Variants in NECTIN3 observed in about 807,000 individuals in gnomAD.
NECTIN3 encodes nectin-3.
Under a neutral mutation model 49.4 loss-of-function variants are expected in NECTIN3, and 8 were observed. The ratio of observed to expected loss-of-function variants is 0.16; its 90% CI spans 0.10 to 0.29. NECTIN3 has a LOEUF of 0.29. NECTIN3 is among the 10% of genes least tolerant of loss of function. NECTIN3 has a pLI of 1.00. For missense variants in NECTIN3, 581 were observed against 654.6 expected (o/e 0.89, Z 1.23); for synonymous variants, 277 against 241.1 (o/e 1.15, Z -1.38).
chr3:111,166,760 C>T (rs967869394), intron 7 of NECTIN3, among the ~76,000 whole-genome samples: 1 of 152,152 alleles, frequency 6.6e-6, no homozygotes, highest in Non-Finnish European at 1.5e-5. Context: ...TGATCGAAAG[C>T]TTTGGGTCCA....
At chr3:111,182,428 A>AT (rs2035643790) in intron 7 of NECTIN3, among the ~76,000 whole-genome samples, 2 of 151,960 alleles carry the variant, frequency 1.3e-5, no homozygotes, top group Non-Finnish European at 2.9e-5. Flanking sequence ...TGGGAATGTT[A>AT]TTTTCTACTA....
At chr3:111,180,575 ATAT>A (rs1471896601) in intron 7 of NECTIN3, among the ~76,000 whole-genome samples, 4 of 152,214 alleles carry the variant, frequency 2.6e-5, no homozygotes, top group Non-Finnish European at 5.9e-5. Flanking sequence ...AGTTTTAATA[ATAT>A]TATATTAATT....
At chr3:111,133,581 G>C in intron 5 of NECTIN3, 54 bp from the exon 6 acceptor site, 1 of 1,555,246 alleles carries the variant, frequency 6.4e-7, no homozygotes, top group Admixed American at 1.9e-5. Flanking sequence ...GAATCAGCCT[G>C]CATTGACATT....
chr3:111,097,290 A>G (rs1054205390), intron 1 of NECTIN3, among the ~76,000 whole-genome samples: 2 of 152,114 alleles, frequency 1.3e-5, no homozygotes, highest in African/African-American at 2.4e-5. Context: ...TATTTATCCA[A>G]TACCTGTACC....
chr3:111,117,533 C>T (rs1339657963), intron 2 of NECTIN3, among the ~76,000 whole-genome samples: 1 of 151,908 alleles, frequency 6.6e-6, no homozygotes, highest in Non-Finnish European at 1.5e-5. Context: ...TGTTATTTTA[C>T]AGTAATGCAT....
Position 111,134,808 on chromosome 3 carries a change from A to T in NECTIN3, c.*593A>T. On this transcript the variant is annotated 3_prime_UTR_variant, in exon 6 of 6. Coordinates refer to ENST00000485303, the MANE Select transcript of NECTIN3 (RefSeq NM_015480.3). ...CCTCTGCATATTAATGAGCCTTGCC[A>T]TAATTACTGTAGAGTGGCTTTTCAA... is the stretch of plus-strand genomic sequence containing the variant. The T allele has an allele frequency of 1.0e-6, 1 of 981,426 alleles. No homozygotes were observed. Among genetic ancestry groups the T allele is most frequent in the Non-Finnish European group, 1.2e-6 (1 of 826,402 alleles). The allele number at this position is 981,426 out of a possible 1,614,324, so 60.8% of individuals were successfully genotyped here. A position where few individuals can be genotyped will look rare whatever the true frequency, so the allele number is the denominator to read the frequency against.
At chr3:111,078,681 G>T (rs537774067) in intron 1 of NECTIN3, among the ~76,000 whole-genome samples, 1 of 152,074 alleles carries the variant, frequency 6.6e-6, no homozygotes, top group Non-Finnish European at 1.5e-5. Context: ...GATTAGAAAA[G>T]GTTGGTAGAC....
At chr3:111,119,020 AATATT>A in intron 3 of NECTIN3, 68 bp downstream of exon 3, 1 of 1,291,636 alleles carries the variant, frequency 7.7e-7, no homozygotes, top group Non-Finnish European at 1.1e-6. Context: ...TTTTAGTTTG[AATATT>A]TAATAGCTTT....
chr3:111,078,350 T>G (rs1049427286), intron 1 of NECTIN3, among the ~76,000 whole-genome samples: 1 of 152,160 alleles, frequency 6.6e-6, no homozygotes, highest in African/African-American at 2.4e-5. Context: ...GCAATTCTGT[T>G]TTCATTTTTT....
chr3:111,165,495 A>C (rs951531560), intron 7 of NECTIN3, among the ~76,000 whole-genome samples: 3 of 152,212 alleles, frequency 2.0e-5, no homozygotes, highest in Non-Finnish European at 4.4e-5. Flanking sequence ...TGAAAGAACC[A>C]GAATATGTAT....
intron 3 of NECTIN3, among the ~76,000 whole-genome samples, chr3:111,121,450 C>T (rs1055686425): frequency 3.3e-5 from 5 of 152,040 alleles, no homozygotes; most frequent in Non-Finnish European, 7.4e-5. Flanking sequence ...TGGATAATTG[C>T]TCATTCAACT....
At chr3:111,122,271 TA>T in intron 4 of NECTIN3, 33 bp downstream of exon 4, 1 of 1,483,728 alleles carries the variant, frequency 6.7e-7, no homozygotes, top group Non-Finnish European at 9.3e-7. Context: ...AGAAATTATC[TA>T]AAAGTGAAAC....
chr3:111,121,823 T>TA (rs1177871165), intron 3 of NECTIN3, among the ~76,000 whole-genome samples: 1 of 152,200 alleles, frequency 6.6e-6, no homozygotes, highest in Non-Finnish European at 1.5e-5. Flanking sequence ...ATAGGATTCT[T>TA]ACATTTTGCT....
At chr3:111,139,839 T>G (rs77865999), downstream of NECTIN3, among the ~76,000 whole-genome samples, 24 of 151,912 alleles carry the variant, frequency 1.6e-4, no homozygotes, top group East Asian at 4.4e-3. Flanking sequence ...TTATAAAATA[T>G]TCAAAAATGG....
chr3:111,087,872 A>G (rs906606128), intron 1 of NECTIN3, among the ~76,000 whole-genome samples: 63 of 151,590 alleles, frequency 4.2e-4, no homozygotes, highest in African/African-American at 1.4e-3. Flanking sequence ...AAATTTTTGT[A>G]TTTTTAGTAG....
chr3:111,128,512 A>T (rs9858827), intron 5 of NECTIN3, among the ~76,000 whole-genome samples: 60 of 152,168 alleles, frequency 3.9e-4, no homozygotes, highest in African/African-American at 1.3e-3. Context: ...TCTAATAGGT[A>T]TTTACAACTT....
chr3:111,077,691 A>G (rs1297630743), intron 1 of NECTIN3, among the ~76,000 whole-genome samples: 1 of 152,186 alleles, frequency 6.6e-6, no homozygotes, highest in Non-Finnish European at 1.5e-5. Context: ...TTCTCTTGAC[A>G]AGTGCTATTT....
chr3:111,182,031 A>G (rs1001726967), intron 7 of NECTIN3, among the ~76,000 whole-genome samples: 2 of 152,010 alleles, frequency 1.3e-5, no homozygotes, highest in African/African-American at 4.8e-5. Context: ...AAATTATGCA[A>G]ACTTTGGCTT....
upstream of NECTIN3, among the ~76,000 whole-genome samples, chr3:111,191,029 G>C (rs1411138542): frequency 6.6e-6 from 1 of 152,130 alleles, no homozygotes; most frequent in Admixed American, 6.5e-5. Flanking sequence ...CAAACCAAAA[G>C]GGACAGTATG....
Sources: allele counts gnomAD v4.1 joint callset (sites outside exome capture counted in the v4.1 genomes callset), GRCh38; gene constraint gnomAD v4.1.1; transcripts MANE v1.5; gene names NCBI Gene and HGNC (gene_info 2026-07-23, HGNC 2026-07-21).